SLC24A3: variants seen among roughly 807,000 people sequenced by gnomAD.
The protein encoded by SLC24A3 is sodium/potassium/calcium exchanger 3.
Under a neutral mutation model 75.8 loss-of-function variants are expected in SLC24A3, and 28 were observed. The ratio of observed to expected loss-of-function variants is 0.37; its 90% CI spans 0.27 to 0.51. The LOEUF (loss-of-function observed/expected upper bound fraction) is 0.51, where lower values mean the gene tolerates loss of function less well. Among genes scored for constraint, SLC24A3 ranks in the 20% least tolerant of loss-of-function variants. The pLI, the probability that SLC24A3 is intolerant of heterozygous loss-of-function variation, is 0.94. For synonymous variants in SLC24A3, 372 were observed against 334.1 expected, an observed-to-expected ratio of 1.11 and a Z score of -1.24; for missense variants, 663 against 847.8, an observed-to-expected ratio of 0.78 and a Z score of 2.71.
intron 6 of SLC24A3, among the ~76,000 whole-genome samples, chr20:19,618,029 T>C (rs2031758673): frequency 6.6e-6 from 1 of 152,086 alleles, no homozygotes; most frequent in South Asian, 2.1e-4. Context: ...TAAATTGACT[T>C]CTCCTCCTAG....
At chr20:19,656,929 T>C (rs1442830550) in intron 7 of SLC24A3, among the ~76,000 whole-genome samples, 1 of 152,260 alleles carries the variant, frequency 6.6e-6, no homozygotes, top group Non-Finnish European at 1.5e-5. Flanking sequence ...GACGTGTGAA[T>C]AAGTAAAGAG....
intron 8 of SLC24A3, among the ~76,000 whole-genome samples, chr20:19,668,589 G>C (rs1468457232): frequency 2.0e-5 from 3 of 152,150 alleles, no homozygotes; most frequent in Admixed American, 2.0e-4. Context: ...TACTCTTTAA[G>C]AGGAAGTGAG....
At chr20:19,222,162 T>G (rs530131835) in intron 1 of SLC24A3, among the ~76,000 whole-genome samples, 44 of 152,338 alleles carry the variant, frequency 2.9e-4, no homozygotes, top group African/African-American at 1.0e-3. Context: ...GAAGCTATTT[T>G]TAGTAGCATC....
At chr20:19,327,257 C>T (rs762859203) in intron 2 of SLC24A3, among the ~76,000 whole-genome samples, 9 of 152,146 alleles carry the variant, frequency 5.9e-5, no homozygotes, top group South Asian at 2.1e-4. Context: ...CACTCCATGG[C>T]GGGGCAGGGA....
chr20:19,704,979 T>C (rs894970798), intron 15 of SLC24A3, among the ~76,000 whole-genome samples: 1 of 152,256 alleles, frequency 6.6e-6, no homozygotes, highest in South Asian at 2.1e-4. Context: ...AGTGCTTTCC[T>C]CAAAGCACTG....
chr20:19,225,304 A>G (rs1367656885), intron 1 of SLC24A3, among the ~76,000 whole-genome samples: 2 of 152,200 alleles, frequency 1.3e-5, no homozygotes, highest in Non-Finnish European at 2.9e-5. Flanking sequence ...CGTGATATGA[A>G]GGACCTCTTG....
At chr20:19,354,799 C>A (rs2179819) in intron 2 of SLC24A3, among the ~76,000 whole-genome samples, 64,152 of 151,866 alleles carry the variant, frequency 0.42, 13,786 homozygotes, top group Middle Eastern at 0.56. Flanking sequence ...AGCAACCAGG[C>A]TCTAATATAT....
intron 10 of SLC24A3, among the ~76,000 whole-genome samples, chr20:19,682,580 G>A (rs532015497): frequency 6.6e-6 from 1 of 152,346 alleles, no homozygotes; most frequent in African/African-American, 2.4e-5. Context: ...TTCTGAGATA[G>A]GGTTTTGGTT....
At chr20:19,507,629 G>T (rs1988480448) in intron 2 of SLC24A3, among the ~76,000 whole-genome samples, 1 of 152,160 alleles carries the variant, frequency 6.6e-6, no homozygotes, top group Admixed American at 6.5e-5. Flanking sequence ...ACATCATTTT[G>T]CTCACATTTC....
At chr20:19,407,066 G>A (rs1986659618) in intron 2 of SLC24A3, among the ~76,000 whole-genome samples, 1 of 152,176 alleles carries the variant, frequency 6.6e-6, no homozygotes, top group South Asian at 2.1e-4. Flanking sequence ...AATCTGTGAG[G>A]TTGGGATCCA....
In SLC24A3 at chr20:19,525,951, C is replaced by A. The variant is rs145993194; in HGVS notation, c.348+10387C>A. On this transcript the variant is annotated intron_variant, in intron 3 of 16. Coordinates refer to ENST00000328041, the MANE Select transcript of SLC24A3 (RefSeq NM_020689.4). ...AGGTAGGTGGCTCTGGCAGATTCTC[C>A]TGGAGTTTCTCCAGTTCTGAACGAA... Among the ~76,000 whole-genome samples, 705 of 152,276 alleles carry A rather than the reference C, an allele frequency of 4.6e-3. 10 individuals carry two copies. The highest frequency in any genetic ancestry group is 0.032 in the Admixed American group (496 of 15,296).
Position 19,269,173 on chromosome 20 carries a change from T to C in SLC24A3, c.143-11786T>C, listed in dbSNP as rs550927188. Among the ~76,000 whole-genome samples, 10 of 152,322 alleles carry C rather than the reference T, an allele frequency of 6.6e-5. No homozygotes were observed. The East Asian group carries it at 1.9e-3, about 29-fold the overall frequency. On this transcript the variant is annotated intron_variant, in intron 1 of 16. Transcript: ENST00000328041. ...GTTGTATAGTCTTATTTAAAGTAAA[T>C]AACAGCCACATGTGGCTGGTAGCTA...
chr20:19,345,730 A>G (rs1238401497), intron 2 of SLC24A3, among the ~76,000 whole-genome samples: 2 of 152,140 alleles, frequency 1.3e-5, no homozygotes, highest in Non-Finnish European at 2.9e-5. Context: ...AATCAAAACC[A>G]CAATGCAATA....
At chr20:19,497,568 T>TGCA (rs1988311878) in intron 2 of SLC24A3, among the ~76,000 whole-genome samples, 1 of 12,850 alleles carries the variant, frequency 7.8e-5, no homozygotes, top group African/African-American at 8.9e-4. Context: ...AGGTTAGGGT[T>TGCA]TGCACATTTT....
intron 2 of SLC24A3, among the ~76,000 whole-genome samples, chr20:19,426,782 G>A (rs578001151): frequency 2.6e-4 from 39 of 152,318 alleles, no homozygotes; most frequent in African/African-American, 9.4e-4. Flanking sequence ...GGACCTAGGA[G>A]CATGGGTCAG....
intron 2 of SLC24A3, among the ~76,000 whole-genome samples, chr20:19,381,462 G>A (rs1986180683): frequency 6.6e-6 from 1 of 152,168 alleles, no homozygotes; most frequent in South Asian, 2.1e-4. Flanking sequence ...TCTGAATAGA[G>A]GGATTGAACT....
At chr20:19,399,768 G>T (rs1986517633) in intron 2 of SLC24A3, among the ~76,000 whole-genome samples, 1 of 152,160 alleles carries the variant, frequency 6.6e-6, no homozygotes. Flanking sequence ...GGTCAAGTTG[G>T]TTGGTAGAGC....
chr20:19,610,066 C>G (rs999673072), intron 6 of SLC24A3, among the ~76,000 whole-genome samples: 2 of 152,248 alleles, frequency 1.3e-5, no homozygotes, highest in Non-Finnish European at 2.9e-5. Flanking sequence ...CAGTCCATCA[C>G]CCCAATTCCA....
intron 2 of SLC24A3, among the ~76,000 whole-genome samples, chr20:19,507,832 T>C (rs991401026): frequency 2.0e-5 from 3 of 152,226 alleles, no homozygotes; most frequent in Non-Finnish European, 4.4e-5. Context: ...TAATTCTGTC[T>C]TGTGTTTATA....
Sources: allele counts gnomAD v4.1 joint callset (sites outside exome capture counted in the v4.1 genomes callset), GRCh38; gene constraint gnomAD v4.1.1; transcripts MANE v1.5; gene names NCBI Gene and HGNC (gene_info 2026-07-23, HGNC 2026-07-21).